The following NEBL variants were observed in gnomAD, a reference collection of about 807,000 sequenced individuals.
The protein encoded by NEBL is LIM and SH3 protein 2.
In NEBL, 122 loss-of-function variants were observed where a neutral mutation model predicts 140.2. The ratio of observed to expected loss-of-function variants is 0.87; its 90% CI spans 0.75 to 1.01. The LOEUF is 1.01. Ranked by LOEUF, NEBL falls within the 50% of genes least tolerant of loss-of-function variation. The pLI, the probability that NEBL is intolerant of heterozygous loss-of-function variation, is 0.00. For missense variants in NEBL, 1,365 were observed against 1,231.3 expected (o/e 1.11, Z -1.62); for synonymous variants, 436 against 398.9 (o/e 1.09, Z -1.11).
intron 2 of NEBL, among the ~76,000 whole-genome samples, chr10:21,074,510 C>T (rs576818374): frequency 6.7e-6 from 1 of 149,734 alleles, no homozygotes; most frequent in South Asian, 2.1e-4. Flanking sequence ...GTCAGAGTCT[C>T]GCTCTGTTGC....
At chr10:21,039,713 A>G (rs976008644) in intron 2 of NEBL, among the ~76,000 whole-genome samples, 22 of 152,222 alleles carry the variant, frequency 1.4e-4, no homozygotes, top group Admixed American at 1.3e-3. Context: ...AGATGCATAT[A>G]AAATGCAAGC....
intron 19 of NEBL, among the ~76,000 whole-genome samples, chr10:20,820,592 G>A (rs1011394636): frequency 2.0e-5 from 3 of 152,158 alleles, no homozygotes; most frequent in Admixed American, 1.3e-4. Context: ...TTGGAAGGCC[G>A]AGGCAGGTGG....
intron 2 of NEBL, among the ~76,000 whole-genome samples, chr10:21,112,561 G>A (rs1041544884): frequency 8.0e-5 from 12 of 149,788 alleles, no homozygotes; most frequent in African/African-American, 2.5e-4. Context: ...GACACACGGT[G>A]GGGAACATCA....
intron 2 of NEBL, among the ~76,000 whole-genome samples, chr10:21,084,557 A>G (rs753093580): frequency 1.3e-5 from 2 of 152,082 alleles, no homozygotes; most frequent in Non-Finnish European, 2.9e-5. Context: ...AGATCGTGCC[A>G]CTGCACTGCA....
chr10:21,169,522 C>T (rs150750126), intron 2 of NEBL, among the ~76,000 whole-genome samples: 4 of 152,282 alleles, frequency 2.6e-5, no homozygotes, highest in African/African-American at 9.6e-5. Context: ...CCATACTGCC[C>T]AGCCAGTTTA....
intron 26 of NEBL, among the ~76,000 whole-genome samples, chr10:20,798,172 T>C (rs1322674630): frequency 6.7e-6 from 1 of 149,470 alleles, no homozygotes; most frequent in Non-Finnish European, 1.5e-5. Flanking sequence ...GATCAGGCAG[T>C]AATAAGTAGC....
chr10:20,895,671 A>G (rs1847414787), intron 2 of NEBL, among the ~76,000 whole-genome samples: 1 of 152,240 alleles, frequency 6.6e-6, no homozygotes, highest in African/African-American at 2.4e-5. Flanking sequence ...TAATAGCACA[A>G]AGAAATACTT....
chr10:21,277,070 A>G (rs967931343), intron 1 of NEBL, among the ~76,000 whole-genome samples: 20 of 152,084 alleles, frequency 1.3e-4, no homozygotes, highest in African/African-American at 4.6e-4. Context: ...TCAAGGCTGC[A>G]GTGAGTCATG....
chr10:21,279,220 T>C (rs1842960828), intron 1 of NEBL, among the ~76,000 whole-genome samples: 1 of 152,004 alleles, frequency 6.6e-6, no homozygotes, highest in African/African-American at 2.4e-5. Context: ...ACTTTATTTA[T>C]GGATGCCAAG....
intron 3 of NEBL, among the ~76,000 whole-genome samples, chr10:20,984,569 T>C (rs1404731074): frequency 6.6e-6 from 1 of 152,094 alleles, no homozygotes; most frequent in Admixed American, 6.5e-5. Context: ...CATCGAAGAA[T>C]TGGAGCATTC....
At chr10:21,033,371 T>C (rs576985072) in intron 2 of NEBL, among the ~76,000 whole-genome samples, 1 of 152,304 alleles carries the variant, frequency 6.6e-6, no homozygotes, top group East Asian at 1.9e-4. Flanking sequence ...TGAACAAAAA[T>C]AATTATTTAA....
chr10:21,234,403 C>CTCTTCATG (rs1286266368), intron 3 of NEBL, among the ~76,000 whole-genome samples: 1 of 152,098 alleles, frequency 6.6e-6, no homozygotes, highest in African/African-American at 2.4e-5. Flanking sequence ...TGCACCCTCT[C>CTCTTCATG]TCTTCATGTA....
rs114264869 is a variant in NEBL, at chr10:20,985,752, G to A, written c.250-23973C>T. On this transcript the variant is annotated intron_variant, in intron 3 of 6. Transcript: ENST00000417816. ...GAACATACAATATTCAGGATGGAGA[G>A]TAGCTCTGTCTAAAAAGGTAAGTGA... is the stretch of plus-strand genomic sequence containing the variant. Among the ~76,000 whole-genome samples the A allele has an allele frequency of 4.5e-3, 684 of 152,126 alleles. 5 individuals carry two copies. The highest frequency in any genetic ancestry group is 0.015 in the African/African-American group (616 of 41,488).
At chr10:21,282,415 C>T (rs967923481) in intron 1 of NEBL, among the ~76,000 whole-genome samples, 5 of 152,100 alleles carry the variant, frequency 3.3e-5, no homozygotes, top group Non-Finnish European at 5.9e-5. Context: ...GGAGGGACGG[C>T]TACCATAGTG....
At chr10:20,788,649 G>T (rs1049983646) in intron 26 of NEBL, among the ~76,000 whole-genome samples, 3 of 149,258 alleles carry the variant, frequency 2.0e-5, no homozygotes, top group Non-Finnish European at 3.0e-5. Context: ...AAGAGAAACT[G>T]CCAAGATCTC....
At chr10:20,975,024 T>G (rs1836730874) in intron 3 of NEBL, among the ~76,000 whole-genome samples, 1 of 152,186 alleles carries the variant, frequency 6.6e-6, no homozygotes, top group South Asian at 2.1e-4. Context: ...ACAGGTACAA[T>G]TATATTTGTC....
intron 26 of NEBL, among the ~76,000 whole-genome samples, chr10:20,788,382 A>T (rs1835619962): frequency 6.6e-6 from 1 of 152,188 alleles, no homozygotes; most frequent in African/African-American, 2.4e-5. Context: ...TATTCAGAAC[A>T]GTTTTTATAA....
chr10:21,207,158 G>C (rs560354790), intron 3 of NEBL, among the ~76,000 whole-genome samples: 106 of 151,866 alleles, frequency 7.0e-4, no homozygotes, highest in African/African-American at 2.4e-3. Flanking sequence ...ATTTGTAGTA[G>C]AGATGGGGTT....
At position 21,173,548 on chromosome 10, in the gene NEBL, G is replaced by A. The variant is rs939615905; in HGVS notation, c.69+217C>T. Among the ~76,000 whole-genome samples, 15 of 152,280 alleles carry A rather than the reference G, an allele frequency of 9.9e-5. No homozygotes were observed. Among genetic ancestry groups the A allele is most frequent in the African/African-American group, 3.4e-4 (14 of 41,572 alleles). On this transcript the variant is annotated intron_variant, in intron 1 of 6. Transcript: ENST00000417816. This position sits in a 1 kb window ranked among gnomAD's most constrained non-coding sequence, Gnocchi z 5.7. ...TGCCGATGTCGCACCGCCCCGCACC[G>A]CGACAAAAGCCCTTCCCGGTTCCAA...
Sources: gnomAD v4.1 joint callset for allele counts (sites outside exome capture counted in the v4.1 genomes callset) on GRCh38, gnomAD v4.1.1 for gene constraint, Gnocchi (gnomAD v3.1) non-coding constraint, MANE v1.5 for transcripts, NCBI Gene and HGNC (gene_info 2026-07-23, HGNC 2026-07-21) for gene names.